DGKG: variants seen among roughly 807,000 people sequenced by gnomAD.
DGKG encodes the protein DAG kinase gamma.
A neutral mutation model predicts 105.3 loss-of-function variants in DGKG; 78 were observed. The observed-to-expected ratio is 0.74, with a 90% CI of 0.62 to 0.89. DGKG has a LOEUF of 0.89. Ranked by LOEUF, DGKG falls within the 40% of genes least tolerant of loss-of-function variation. The pLI, the probability that DGKG is intolerant of heterozygous loss-of-function variation, is 0.00. For missense variants in DGKG, 958 were observed against 1,020.1 expected, an observed-to-expected ratio of 0.94 and a Z score of 0.83; for synonymous variants, 346 against 367.1, an observed-to-expected ratio of 0.94 and a Z score of 0.66.
intron 1 of DGKG, among the ~76,000 whole-genome samples, chr3:186,324,037 G>A (rs1725214922): frequency 6.7e-6 from 1 of 149,018 alleles, no homozygotes. Context: ...GAACCAGGGA[G>A]TCAGAGGTTG....
At chr3:186,194,380 T>C (rs1337726523) in intron 21 of DGKG, among the ~76,000 whole-genome samples, 1 of 152,220 alleles carries the variant, frequency 6.6e-6, no homozygotes, top group Admixed American at 6.5e-5. Flanking sequence ...TCCCAGCCGG[T>C]GCCGGCGTTT....
chr3:186,250,619 G>C (rs1213387700), intron 19 of DGKG, among the ~76,000 whole-genome samples: 2 of 123,714 alleles, frequency 1.6e-5, no homozygotes, highest in Admixed American at 2.3e-4. Flanking sequence ...GCGTGATCTC[G>C]GCTCATTGCA....
intron 11 of DGKG, among the ~76,000 whole-genome samples, chr3:186,270,279 C>T (rs185864002): frequency 9.8e-5 from 15 of 152,292 alleles, no homozygotes; most frequent in Middle Eastern, 3.4e-3. Flanking sequence ...GCACATGCCA[C>T]CACACCAGGC....
intron 1 of DGKG, among the ~76,000 whole-genome samples, chr3:186,360,967 G>T (rs559079374): frequency 1.7e-3 from 255 of 152,352 alleles, no homozygotes; most frequent in African/African-American, 5.8e-3. Context: ...GCGCGGGAGA[G>T]CGCGCCCACG....
At chr3:186,258,397 C>T (rs994037747) in intron 16 of DGKG, among the ~76,000 whole-genome samples, 1 of 152,190 alleles carries the variant, frequency 6.6e-6, no homozygotes, top group Admixed American at 6.5e-5. Flanking sequence ...CTTCTCTTCT[C>T]AGGAGCCTTA....
intron 1 of DGKG, among the ~76,000 whole-genome samples, chr3:186,349,889 CT>C (rs534294652): frequency 0.06 from 8,677 of 144,436 alleles, 773 homozygotes; most frequent in African/African-American, 0.2. Context: ...TCCACAGAAC[CT>C]TTTTTTTTTT....
chr3:186,328,657 C>A (rs1202868688), intron 1 of DGKG, among the ~76,000 whole-genome samples: 1 of 151,314 alleles, frequency 6.6e-6, no homozygotes, highest in African/African-American at 2.4e-5. Flanking sequence ...CTCACTGCAA[C>A]CTCCACCTCC....
At chr3:186,360,647 G>A (rs897598375) in intron 1 of DGKG, among the ~76,000 whole-genome samples, 3 of 152,166 alleles carry the variant, frequency 2.0e-5, no homozygotes, top group Non-Finnish European at 4.4e-5. Context: ...TGCCCTCTAT[G>A]ATCTAATTTC....
chr3:186,301,499 C>T (rs1046745919), intron 3 of DGKG, among the ~76,000 whole-genome samples: 8 of 152,168 alleles, frequency 5.3e-5, no homozygotes, highest in African/African-American at 9.6e-5. Context: ...TGGTGGCGGG[C>T]GCCTGTAGTC....
intron 16 of DGKG, among the ~76,000 whole-genome samples, chr3:186,258,229 A>G (rs1159487033): frequency 1.3e-5 from 2 of 152,232 alleles, no homozygotes; most frequent in Non-Finnish European, 2.9e-5. Context: ...AGAGGAGTCC[A>G]GAGTTTTGGC....
At chr3:186,185,455 T>A (rs999019271) in intron 22 of DGKG, among the ~76,000 whole-genome samples, 2 of 152,120 alleles carry the variant, frequency 1.3e-5, no homozygotes, top group African/African-American at 4.8e-5. Flanking sequence ...AGATGTAAGG[T>A]CAGACATGTA....
intron 21 of DGKG, among the ~76,000 whole-genome samples, chr3:186,190,649 T>C (rs986941432): frequency 6.6e-6 from 1 of 152,234 alleles, no homozygotes; most frequent in African/African-American, 2.4e-5. Context: ...TTCTTCGCCA[T>C]TCTGAACCTG....
In DGKG at chr3:186,361,504, C is replaced by T. The variant is rs1727227275; in HGVS notation, c.-249+442G>A. The stretch of plus-strand genomic sequence containing the variant: ...GGAGTGCCCCCAAAGTCCTAGAACC[C>T]CGCGGGACGGTCGGAGGCTTTGGCG... On this transcript the variant is annotated intron_variant, in intron 1 of 24. Transcript: ENST00000265022. This position sits in a 1 kb window ranked among gnomAD's most constrained non-coding sequence, Gnocchi z 6.8. Among the ~76,000 whole-genome samples the T allele has an allele frequency of 6.6e-6, 1 of 152,204 alleles. No homozygotes were observed. Among genetic ancestry groups the T allele is most frequent in the Non-Finnish European group, 1.5e-5 (1 of 68,042 alleles).
chr3:186,326,075 C>A (rs577944608), intron 1 of DGKG, among the ~76,000 whole-genome samples: 28 of 152,184 alleles, frequency 1.8e-4, no homozygotes, highest in African/African-American at 6.5e-4. Flanking sequence ...TGCTTCTAGG[C>A]CCTATCAAGG....
intron 1 of DGKG, among the ~76,000 whole-genome samples, chr3:186,338,193 G>GA (rs1725922045): frequency 2.1e-5 from 3 of 144,442 alleles, no homozygotes; most frequent in African/African-American, 7.8e-5. Flanking sequence ...AAAAAAGAAA[G>GA]AAGGAAAAGT....
At chr3:186,232,728 T>C (rs1321359542) in intron 20 of DGKG, among the ~76,000 whole-genome samples, 1 of 152,236 alleles carries the variant, frequency 6.6e-6, no homozygotes, top group Non-Finnish European at 1.5e-5. Context: ...TGATATTTTA[T>C]TGAAAAACGT....
rs1482813780 is a variant in DGKG at position 186,203,163 on chromosome 3, C to G, written c.1917+8632G>C. 6.6e-6 allele frequency among the ~76,000 whole-genome samples: 1 copy of G among 152,148 alleles called. No individual in the cohort carries two copies. The highest frequency in any genetic ancestry group is 1.5e-5 in the Non-Finnish European group (1 of 68,044). The stretch of plus-strand genomic sequence containing the variant: ...ACAGAAACAGTTTTTCTTTAGTAAG[C>G]TGAACGATTCTAAGCATTAGTGAAG... On this transcript the variant is annotated intron_variant, in intron 21 of 24. Coordinates refer to ENST00000265022, the MANE Select transcript of DGKG (RefSeq NM_001346.3). The surrounding 1 kb of genome is among the most constrained non-coding windows in gnomAD (Gnocchi z 4.9).
chr3:186,320,881 T>C (rs920954239), intron 1 of DGKG, among the ~76,000 whole-genome samples, 174 bp from the exon 2 acceptor site: 3 of 151,872 alleles, frequency 2.0e-5, no homozygotes, highest in Admixed American at 6.6e-5. Context: ...GTGGTGAGAG[T>C]TGAGGGGCAA....
At chr3:186,297,827 C>T (rs1723661559) in intron 4 of DGKG, among the ~76,000 whole-genome samples, 1 of 132,344 alleles carries the variant, frequency 7.6e-6, no homozygotes, top group African/African-American at 2.9e-5. Flanking sequence ...CTTTCCCCAT[C>T]CTGCTCTTTG....
Sources: allele counts gnomAD v4.1 joint callset (sites outside exome capture counted in the v4.1 genomes callset), GRCh38; gene constraint gnomAD v4.1.1; non-coding constraint Gnocchi (gnomAD v3.1); transcripts MANE v1.5; gene names NCBI Gene and HGNC (gene_info 2026-07-23, HGNC 2026-07-21).